Variants in CDC42SE2 observed in about 807,000 individuals in gnomAD.
The protein encoded by CDC42SE2 is CDC42 small effector 2, also known as CDC42 small effector protein 2.
A neutral mutation model predicts 11.5 loss-of-function variants in CDC42SE2; 3 were observed. The observed-to-expected ratio is 0.26, with a 90% confidence interval of 0.12 to 0.67. The LOEUF is 0.67. Ranked by LOEUF, CDC42SE2 falls within the 30% of genes least tolerant of loss-of-function variation. The pLI is 0.80. For synonymous variants in CDC42SE2, 33 were observed against 34.8 expected, an observed-to-expected ratio of 0.95 and a Z score of 0.18; for missense variants, 82 against 106.8, an observed-to-expected ratio of 0.77 and a Z score of 1.02.
At chr5:131,270,669 G>A (rs1157277417) in intron 1 of CDC42SE2, among the ~76,000 whole-genome samples, 2 of 152,186 alleles carry the variant, frequency 1.3e-5, no homozygotes, top group African/African-American at 4.8e-5. Context: ...AGCGTGATCA[G>A]ATAGCTTTTT....
At chr5:131,361,955 G>A (rs771542160) in intron 3 of CDC42SE2, among the ~76,000 whole-genome samples, 7 of 152,094 alleles carry the variant, frequency 4.6e-5, no homozygotes, top group Admixed American at 1.3e-4. Flanking sequence ...TCGACGTTTG[G>A]CTGTCTATGT....
intron 1 of CDC42SE2, among the ~76,000 whole-genome samples, chr5:131,271,098 A>G (rs1756986117): frequency 6.6e-6 from 1 of 152,208 alleles, no homozygotes; most frequent in South Asian, 2.1e-4. Flanking sequence ...AGCTCCAGCT[A>G]TAATTCCTGT....
At chr5:131,354,396 G>A (rs1192046585) in intron 2 of CDC42SE2, among the ~76,000 whole-genome samples, 1 of 152,126 alleles carries the variant, frequency 6.6e-6, no homozygotes, top group Non-Finnish European at 1.5e-5. Context: ...TGTAATCCTT[G>A]CCCTCAGGCC....
chr5:131,257,439 T>G (rs1377944232), intron 2 of CDC42SE2, among the ~76,000 whole-genome samples: 1 of 151,520 alleles, frequency 6.6e-6, no homozygotes, highest in Non-Finnish European at 1.5e-5. Flanking sequence ...TATATCTCTG[T>G]GCTAGGAGGA....
At chr5:131,281,831 G>A (rs911453855) in intron 1 of CDC42SE2, among the ~76,000 whole-genome samples, 21 of 152,152 alleles carry the variant, frequency 1.4e-4, no homozygotes, top group African/African-American at 4.6e-4. Flanking sequence ...AGTTCTTACC[G>A]TTGGTGATTT....
chr5:131,341,387 C>G (rs1333206607), intron 2 of CDC42SE2, among the ~76,000 whole-genome samples: 2 of 152,204 alleles, frequency 1.3e-5, no homozygotes, highest in Admixed American at 1.3e-4. Context: ...GAAATAGTGT[C>G]TTTAAAATCC....
intron 2 of CDC42SE2, among the ~76,000 whole-genome samples, chr5:131,332,124 C>G (rs868289728): frequency 5.9e-5 from 9 of 152,132 alleles, no homozygotes; most frequent in African/African-American, 1.9e-4. Flanking sequence ...CCACTCCCCC[C>G]ACTCCACAAC....
chr5:131,369,957 C>T (rs1240090538), intron 3 of CDC42SE2, among the ~76,000 whole-genome samples: 2 of 152,330 alleles, frequency 1.3e-5, no homozygotes, highest in African/African-American at 4.8e-5. Flanking sequence ...TCTGCTTATT[C>T]TGTTTCTAGT....
At chr5:131,273,176 G>T (rs1757029282) in intron 1 of CDC42SE2, among the ~76,000 whole-genome samples, 3 of 141,214 alleles carry the variant, frequency 2.1e-5, no homozygotes, top group Admixed American at 1.4e-4. Flanking sequence ...TTTTTTTTGA[G>T]ATAGAGTCTT....
intron 2 of CDC42SE2, among the ~76,000 whole-genome samples, chr5:131,330,536 A>G (rs1342700191): frequency 2.0e-5 from 3 of 151,954 alleles, no homozygotes; most frequent in African/African-American, 4.8e-5. Flanking sequence ...TTATAATAAT[A>G]TTTTTCCCCA....
intron 4 of CDC42SE2, among the ~76,000 whole-genome samples, chr5:131,388,665 CAAT>C (rs1158656851): frequency 3.3e-5 from 5 of 152,096 alleles, no homozygotes; most frequent in African/African-American, 9.7e-5. Context: ...TTCACAGTCA[CAAT>C]AATACATTGT....
At chr5:131,379,819 C>T (rs921784991) in intron 3 of CDC42SE2, among the ~76,000 whole-genome samples, 5 of 152,198 alleles carry the variant, frequency 3.3e-5, no homozygotes, top group South Asian at 2.1e-4. Context: ...ACTCTGCTAA[C>T]GACAACTGTT....
chr5:131,318,811 A>G (rs541672228), intron 2 of CDC42SE2, among the ~76,000 whole-genome samples: 1 of 152,358 alleles, frequency 6.6e-6, no homozygotes, highest in African/African-American at 2.4e-5. Context: ...CTGCATAATG[A>G]GAACTCAAGG....
the CDC42SE2 span, among the ~76,000 whole-genome samples, chr5:131,227,134 C>T: frequency 6.6e-6 from 1 of 152,168 alleles, no homozygotes; most frequent in African/African-American, 2.4e-5. Flanking sequence ...GGTGATGACT[C>T]ACGCCTGTAA....
chr5:131,327,448 T>G (rs1412928325), intron 2 of CDC42SE2, among the ~76,000 whole-genome samples: 2 of 152,200 alleles, frequency 1.3e-5, no homozygotes, highest in Non-Finnish European at 2.9e-5. Context: ...TATATTTCTT[T>G]TTCTTTTGAG....
chr5:131,246,452 C>A (rs1365246165), intron 1 of CDC42SE2, among the ~76,000 whole-genome samples: 1 of 151,848 alleles, frequency 6.6e-6, no homozygotes, highest in Non-Finnish European at 1.5e-5. Context: ...GAAGCTCTGT[C>A]CCAAAAAAAT....
intron 1 of CDC42SE2, among the ~76,000 whole-genome samples, chr5:131,284,224 A>C (rs1757296364): frequency 6.6e-6 from 1 of 152,242 alleles, no homozygotes; most frequent in South Asian, 2.1e-4. Context: ...TGGATATAAC[A>C]CATTTATCCT....
chr5:131,373,730 A>G (rs1174375189), intron 3 of CDC42SE2, among the ~76,000 whole-genome samples: 1 of 152,204 alleles, frequency 6.6e-6, no homozygotes, highest in Non-Finnish European at 1.5e-5. Flanking sequence ...AACAAAACAG[A>G]AAACATGAAT....
At chr5:131,361,489 G>GA (rs1749706786) in intron 3 of CDC42SE2, among the ~76,000 whole-genome samples, 1 of 152,200 alleles carries the variant, frequency 6.6e-6, no homozygotes, top group South Asian at 2.1e-4. Flanking sequence ...GTGGGGTTCT[G>GA]ACCCCACGAC....
Sources: gnomAD v4.1 joint callset for allele counts (sites outside exome capture counted in the v4.1 genomes callset) on GRCh38, gnomAD v4.1.1 for gene constraint, MANE v1.5 for transcripts, NCBI Gene and HGNC (gene_info 2026-07-23, HGNC 2026-07-21) for gene names.